The following SLC30A6 variants were observed in gnomAD, a reference collection of about 807,000 sequenced individuals.
SLC30A6 encodes solute carrier family 30 member 6.
In SLC30A6, 55 loss-of-function variants were observed where a neutral mutation model predicts 63.0. That is an observed-to-expected ratio of 0.87 (90% CI 0.70 to 1.09). The LOEUF (loss-of-function observed/expected upper bound fraction) is 1.09. Ranked by LOEUF, SLC30A6 falls within the 50% of genes least tolerant of loss-of-function variation. The pLI, the probability that SLC30A6 is intolerant of heterozygous loss-of-function variation, is 0.00. For synonymous variants in SLC30A6, 224 were observed against 186.1 expected, an observed-to-expected ratio of 1.20 and a Z score of -1.66; for missense variants, 587 against 549.2, an observed-to-expected ratio of 1.07 and a Z score of -0.69.
intron 4 of SLC30A6, among the ~76,000 whole-genome samples, chr2:32,175,925 A>G (rs2148811671): frequency 6.6e-6 from 1 of 152,300 alleles, no homozygotes; most frequent in South Asian, 2.1e-4. Flanking sequence ...GTGAGCCGAG[A>G]TTGTGCCACC....
chr2:32,192,085 C>T (rs1407381631), intron 5 of SLC30A6, among the ~76,000 whole-genome samples: 3 of 150,732 alleles, frequency 2.0e-5, no homozygotes, highest in African/African-American at 7.3e-5. Flanking sequence ...AAGAGAAAGC[C>T]TCTGACATGG....
At chr2:32,174,364 A>G (rs1681517030) in intron 3 of SLC30A6, among the ~76,000 whole-genome samples, 1 of 151,978 alleles carries the variant, frequency 6.6e-6, no homozygotes, top group Non-Finnish European at 1.5e-5. Flanking sequence ...CTTTTAAAAT[A>G]TATTTTAAAA....
intron 4 of SLC30A6, among the ~76,000 whole-genome samples, chr2:32,183,144 G>A (rs1010104286): frequency 3.3e-4 from 50 of 151,594 alleles, no homozygotes; most frequent in African/African-American, 6.5e-4. Flanking sequence ...CCGAGATCGC[G>A]CCATTGCACT....
chr2:32,182,062 TAGCTGGGACTAC>T (rs937604292), intron 4 of SLC30A6, among the ~76,000 whole-genome samples: 1 of 150,642 alleles, frequency 6.6e-6, no homozygotes, highest in Non-Finnish European at 1.5e-5. Context: ...GCCTCTGGGG[TAGCTGGGACTAC>T]AGGTGTTCAC....
chr2:32,171,496 A>G (rs764368084), intron 2 of SLC30A6, 123 bp downstream of exon 2: 19 of 674,892 alleles, frequency 2.8e-5, no homozygotes, highest in Admixed American at 1.2e-4. Flanking sequence ...TCATTTTTCT[A>G]TGTTGGAAAA....
At chr2:32,190,060 T>G (rs1348075302) in intron 5 of SLC30A6, among the ~76,000 whole-genome samples, 1 of 152,208 alleles carries the variant, frequency 6.6e-6, no homozygotes, top group Non-Finnish European at 1.5e-5. Flanking sequence ...CTTTTAACCA[T>G]TTCCTGTTTT....
chr2:32,177,021 C>A (rs571542388), intron 4 of SLC30A6, among the ~76,000 whole-genome samples: 33 of 152,204 alleles, frequency 2.2e-4, no homozygotes, highest in African/African-American at 7.7e-4. Context: ...GATCTGCCCA[C>A]CTTGGCCTCC....
chr2:32,223,286 A>C lies in SLC30A6; in HGVS notation c.*2573A>C, dbSNP rs1328311863. On this transcript the variant is annotated 3_prime_UTR_variant, in exon 14 of 14. Transcript: ENST00000282587. ...GAAGTTCAATTTAAATATTTGTCCC[A>C]TTGTTTGTGATTAGGATGTAAGCTT... 1 of 152,190 alleles carries C rather than the reference A, an allele frequency of 6.6e-6. No individual in the cohort carries two copies. The highest frequency in any genetic ancestry group is 6.5e-5 in the Admixed American group (1 of 15,282). 9.4% of individuals were successfully genotyped at this position (152,190 alleles called of 1,614,324 possible). A position where few individuals can be genotyped will look rare whatever the true frequency, so the allele number is the denominator to read the frequency against.
At chr2:32,187,250 A>C (rs1682920120) in intron 5 of SLC30A6, 1 of 470,852 alleles carries the variant, frequency 2.1e-6, no homozygotes, top group South Asian at 1.5e-5. Context: ...ACACCTTCTC[A>C]CCTTCATCCG....
At chr2:32,190,101 A>G (rs1472485648) in intron 5 of SLC30A6, among the ~76,000 whole-genome samples, 2 of 152,128 alleles carry the variant, frequency 1.3e-5, no homozygotes, top group Admixed American at 6.6e-5. Flanking sequence ...TTCTTTATAT[A>G]TAAGTATCTT....
At chr2:32,201,038 G>A (rs1684245747) in intron 10 of SLC30A6, among the ~76,000 whole-genome samples, 5 of 152,068 alleles carry the variant, frequency 3.3e-5, no homozygotes, top group Admixed American at 3.3e-4. Context: ...TATCTTTGAA[G>A]TCTCTGCCCA....
intron 7 of SLC30A6, 77 bp downstream of exon 7, chr2:32,193,030 A>C (rs1030679411): frequency 2.2e-5 from 21 of 972,184 alleles, no homozygotes; most frequent in Non-Finnish European, 2.1e-5. Flanking sequence ...CAGTTGGCCA[A>C]TGTCAGATTT....
At chr2:32,192,503 G>A (rs1683421307) in intron 6 of SLC30A6, 87 bp downstream of exon 6, 1 of 1,200,062 alleles carries the variant, frequency 8.3e-7, no homozygotes, top group Non-Finnish European at 1.2e-6. Context: ...TTGCTTTCAA[G>A]GGTATGAAAA....
At chr2:32,187,609 G>A (rs906949517) in intron 5 of SLC30A6, among the ~76,000 whole-genome samples, 2 of 152,130 alleles carry the variant, frequency 1.3e-5, no homozygotes, top group African/African-American at 4.8e-5. Context: ...CAGTTCTCTA[G>A]GCCTGAGAAC....
At chr2:32,201,550 T>G in intron 10 of SLC30A6, 22 of 990,332 alleles carry the variant, frequency 2.2e-5, no homozygotes, top group Non-Finnish European at 3.1e-5. Context: ...TTTTGCTGCA[T>G]GTAGGTGGTT....
chr2:32,172,118 CATT>C (rs1457027529), intron 2 of SLC30A6, among the ~76,000 whole-genome samples: 4 of 152,328 alleles, frequency 2.6e-5, no homozygotes, highest in East Asian at 1.9e-4. Context: ...TCATGCTTCT[CATT>C]GTTGTCTAAA....
At chr2:32,171,229 A>C (rs1183388346) in intron 1 of SLC30A6, 58 bp from the exon 2 acceptor site, 10 of 1,402,210 alleles carry the variant, frequency 7.1e-6, no homozygotes, top group Non-Finnish European at 1.0e-5. Context: ...ATCATATCAT[A>C]GGAACTCTGA....
At chr2:32,181,462 A>G (rs1682300872) in intron 4 of SLC30A6, among the ~76,000 whole-genome samples, 1 of 152,166 alleles carries the variant, frequency 6.6e-6, no homozygotes, top group Non-Finnish European at 1.5e-5. Context: ...TCCATTTTTA[A>G]GGGTAAAATT....
chr2:32,191,968 TTAAG>T (rs971769219), intron 5 of SLC30A6, among the ~76,000 whole-genome samples: 1 of 152,126 alleles, frequency 6.6e-6, no homozygotes. Context: ...AGTGGGTCAA[TTAAG>T]TGTTATTATT....
Sources: allele counts gnomAD v4.1 joint callset (sites outside exome capture counted in the v4.1 genomes callset), GRCh38; gene constraint gnomAD v4.1.1; transcripts MANE v1.5; gene names NCBI Gene and HGNC (gene_info 2026-07-23, HGNC 2026-07-21).